COL22A1: variants seen among roughly 807,000 people sequenced by gnomAD.
COL22A1 encodes the protein collagen type XXII alpha 1 chain, also known as collagen alpha-1(XXII) chain.
A neutral mutation model predicts 248.9 loss-of-function variants in COL22A1; 221 were observed. That is an observed-to-expected ratio of 0.89 (90% confidence interval 0.80 to 0.99). COL22A1 has a LOEUF of 0.99. Among genes scored for constraint, COL22A1 ranks in the 50% least tolerant of loss-of-function variants. COL22A1 has a pLI of 0.00. For missense variants in COL22A1, 2,240 were observed against 2,179.0 expected, an observed-to-expected ratio of 1.03 and a Z score of -0.56; for synonymous variants, 891 against 793.4, an observed-to-expected ratio of 1.12 and a Z score of -2.07.
intron 4 of COL22A1, among the ~76,000 whole-genome samples, chr8:138,843,566 C>A (rs984135632): frequency 6.6e-6 from 1 of 152,154 alleles, no homozygotes; most frequent in African/African-American, 2.4e-5. Context: ...GGAACCACCT[C>A]GGCCATACCC....
rs772887071 is a variant in COL22A1 at position 138,877,935 on chromosome 8, A to G, written c.473T>C (p.Val158Ala). 1 of 1,604,882 alleles carries G rather than the reference A, an allele frequency of 6.2e-7. No homozygotes were observed. The highest frequency in any genetic ancestry group is 1.7e-5 in the Admixed American group (1 of 59,176). ...LLTDGRSQDL[V>A]LDAAAAAHRA... Reference sequence around the variant, plus strand: ...GTGGGCTGCCGCCGCGGCGTCCAGCACCAGGTCCTGGCTGCGGCCGTCGGT... The same window carrying G: ...GTGGGCTGCCGCCGCGGCGTCCAGCGCCAGGTCCTGGCTGCGGCCGTCGGT... The change falls in exon 3 of 65, where the codon GTG becomes GCG. Residue 158 changes from valine (V) to alanine (A), a missense_variant. Coordinates refer to ENST00000303045, the MANE Select transcript of COL22A1 (RefSeq NM_152888.3).
At chr8:138,762,336 G>A in intron 17 of COL22A1, 77 bp downstream of exon 17, 1 of 1,447,894 alleles carries the variant, frequency 6.9e-7, no homozygotes, top group African/African-American at 1.4e-5. Flanking sequence ...GCTCTGTGGA[G>A]CTTTATGTGG....
chr8:138,773,724 G>A lies in COL22A1; in HGVS notation c.1803+2242C>T, dbSNP rs116810217. 4.7e-3 allele frequency among the ~76,000 whole-genome samples: 719 copies of A among 152,272 alleles called. 5 individuals are homozygous for A. Among genetic ancestry groups the A allele is most frequent in the African/African-American group, 0.015 (631 of 41,552 alleles). On this transcript the variant is annotated intron_variant, in intron 16 of 64. Transcript: ENST00000303045. ...CACTCTGTGGGTGCTGAGGGAAGAC[G>A]GGATGCCTGGAAGCCTGTTTCAGAC... is the stretch of plus-strand genomic sequence containing the variant.
At chr8:138,699,337 T>C (rs999078194) in intron 32 of COL22A1, among the ~76,000 whole-genome samples, 6 of 152,240 alleles carry the variant, frequency 3.9e-5, no homozygotes, top group African/African-American at 1.4e-4. Flanking sequence ...TAAAATGGAA[T>C]CGACTTAATA....
In COL22A1 at chr8:138,767,706, C is replaced by T. The variant is rs563445696; in HGVS notation, c.1804-5240G>A. Reference sequence around the variant, plus strand: ...AAAACCCAGTCTCCAGACAGTGCACCGCCCGGTCTCCATCCTGGCTGCAAA... The same window carrying T: ...AAAACCCAGTCTCCAGACAGTGCACTGCCCGGTCTCCATCCTGGCTGCAAA... On this transcript the variant is annotated intron_variant, in intron 16 of 64. Coordinates refer to ENST00000303045, the MANE Select transcript of COL22A1 (RefSeq NM_152888.3). Among the ~76,000 whole-genome samples, 18 of 152,304 alleles carry T rather than the reference C, an allele frequency of 1.2e-4. No homozygotes were observed. The South Asian group carries it at 3.5e-3, about 30-fold the overall frequency.
intron 6 of COL22A1, among the ~76,000 whole-genome samples, chr8:138,822,882 C>G (rs1819261814): frequency 6.6e-6 from 1 of 152,234 alleles, no homozygotes; most frequent in Non-Finnish European, 1.5e-5. Context: ...CCCCGTTCCC[C>G]TGCCTATCCA....
intron 39 of COL22A1, among the ~76,000 whole-genome samples, chr8:138,680,734 T>C (rs1045475084): frequency 6.6e-6 from 1 of 152,192 alleles, no homozygotes; most frequent in Non-Finnish European, 1.5e-5. Flanking sequence ...GAGCAACCCA[T>C]TCTTCAATGA....
chr8:138,660,809 CATACACACAT>C lies in COL22A1; in HGVS notation c.3241-339_3241-330del, dbSNP rs1444348082. Among the ~76,000 whole-genome samples, 80 of 55,502 alleles carry C rather than the reference CATACACACAT, an allele frequency of 1.4e-3. 1 individual carries two copies. Among genetic ancestry groups the C allele is most frequent in the African/African-American group, 3.3e-3 (77 of 23,546 alleles). 36.4% of individuals were successfully genotyped at this position (55,502 alleles called of 152,430 possible). ...ACACACACACAGACACACAGACACA[CATACACACAT>C]ACACACACATACACACACAGACACA... On this transcript the variant is annotated intron_variant, in intron 43 of 64. Coordinates refer to ENST00000303045, the MANE Select transcript of COL22A1 (RefSeq NM_152888.3).
intron 30 of COL22A1, among the ~76,000 whole-genome samples, chr8:138,714,567 T>C (rs1829288832): frequency 6.6e-6 from 1 of 152,150 alleles, no homozygotes; most frequent in South Asian, 2.1e-4. Flanking sequence ...CCTTTCCCAC[T>C]CTTGCTCTTC....
At chr8:138,775,905 A>G (rs1268838564) in intron 16 of COL22A1, 61 bp downstream of exon 16, 1 of 1,507,722 alleles carries the variant, frequency 6.6e-7, no homozygotes, top group African/African-American at 1.4e-5. Context: ...AGATGGTTCC[A>G]TGCACCCTCT....
intron 3 of COL22A1, among the ~76,000 whole-genome samples, chr8:138,870,620 CTA>C (rs1298576268): frequency 6.6e-6 from 1 of 151,482 alleles, no homozygotes; most frequent in Non-Finnish European, 1.5e-5. Context: ...TGTGATATGT[CTA>C]TGGAGTGTCT....
chr8:138,628,585 C>A (rs1820445391), intron 50 of COL22A1, among the ~76,000 whole-genome samples: 1 of 152,164 alleles, frequency 6.6e-6, no homozygotes, highest in Non-Finnish European at 1.5e-5. Flanking sequence ...CCAGTGCTCA[C>A]TGGGCAAACA....
chr8:138,902,094 T>C (rs1428160668), intron 1 of COL22A1, among the ~76,000 whole-genome samples: 2 of 152,092 alleles, frequency 1.3e-5, no homozygotes, highest in South Asian at 4.2e-4. Flanking sequence ...GGAAGAGGCA[T>C]GGGGGAGTTC....
chr8:138,752,781 T>G (rs183282862), intron 21 of COL22A1, among the ~76,000 whole-genome samples: 6 of 152,298 alleles, frequency 3.9e-5, no homozygotes, highest in Admixed American at 3.3e-4. Context: ...AACTCAAAAT[T>G]TTCCATTCTC....
chr8:138,693,521 G>A, intron 35 of COL22A1, 125 bp downstream of exon 35: 1 of 938,642 alleles, frequency 1.1e-6, no homozygotes, highest in South Asian at 1.4e-5. Flanking sequence ...ACTCAAGTGT[G>A]GGTGAACCTT....
chr8:138,674,282 T>C (rs1183070611), intron 41 of COL22A1, among the ~76,000 whole-genome samples: 1 of 152,150 alleles, frequency 6.6e-6, no homozygotes, highest in African/African-American at 2.4e-5. Context: ...AATGGCAATG[T>C]TCCTGTAACG....
chr8:138,674,952 A>G (rs10090396), intron 41 of COL22A1, among the ~76,000 whole-genome samples: 2,634 of 152,316 alleles, frequency 0.017, 77 homozygotes, highest in African/African-American at 0.06. Flanking sequence ...AAAAATAGCC[A>G]AAGAACAAAG....
chr8:138,815,504 TC>T (rs1818606970), intron 7 of COL22A1, among the ~76,000 whole-genome samples: 2 of 152,296 alleles, frequency 1.3e-5, no homozygotes, highest in Non-Finnish European at 2.9e-5. Context: ...CACATTGGTT[TC>T]CTCCTGCCAC....
intron 62 of COL22A1, among the ~76,000 whole-genome samples, chr8:138,595,535 T>C (rs1817462484): frequency 6.6e-6 from 1 of 152,182 alleles, no homozygotes; most frequent in South Asian, 2.1e-4. Context: ...CCCACCAATT[T>C]GTTCCTTATT....
Sources: allele counts gnomAD v4.1 joint callset (sites outside exome capture counted in the v4.1 genomes callset), GRCh38; gene constraint gnomAD v4.1.1; transcripts MANE v1.5; gene names NCBI Gene and HGNC (gene_info 2026-07-23, HGNC 2026-07-21).